Variants in SLC9A7 observed in about 807,000 individuals in gnomAD.
SLC9A7 encodes solute carrier family 9 member A7, also known as sodium/hydrogen exchanger 7.
SLC9A7 carries 19 observed loss-of-function variants against 52.6 expected under a neutral mutation model. That is an observed-to-expected ratio of 0.36 (90% CI 0.25 to 0.53). SLC9A7 has a LOEUF of 0.53. Among genes scored for constraint, SLC9A7 ranks in the 20% least tolerant of loss-of-function variants. SLC9A7 has a pLI of 0.91. For missense variants in SLC9A7, 455 were observed against 597.9 expected (o/e 0.76, Z 2.49); for synonymous variants, 226 against 252.1 (o/e 0.90, Z 0.98).
rs1221636485 is a variant in SLC9A7 at position 46,725,969 on chromosome X, T to C, written c.325+32736A>G. Among the ~76,000 whole-genome samples the C allele has an allele frequency of 2.7e-5, 3 of 112,311 alleles. No individual in the cohort carries two copies. The Admixed American group carries it at 2.8e-4, about 11-fold the overall frequency. ...GACTGCCCGGATTCAAAGCTCAGCT[T>C]CATCATTTACTAAGCTACATGACCT... is the stretch of plus-strand genomic sequence containing the variant. On this transcript the variant is annotated intron_variant, in intron 1 of 16. Coordinates refer to ENST00000616978, the MANE Select transcript of SLC9A7 (RefSeq NM_001257291.2).
intron 1 of SLC9A7, among the ~76,000 whole-genome samples, chrX:46,757,158 G>A (rs1922729702): frequency 9.0e-6 from 1 of 111,618 alleles, no homozygotes; most frequent in Non-Finnish European, 1.9e-5. Flanking sequence ...TCAATCACCT[G>A]CAATGACCAC....
rs1433501246 is a variant in SLC9A7, at chrX:46,606,435, C to T, written c.*517G>A. ...TATGAGGTTGCAGTCAAGCAGACTT[C>T]GTTGCCAGAGCCTCCAAATTGCTTT... is the stretch of plus-strand genomic sequence containing the variant. On this transcript the variant is annotated 3_prime_UTR_variant, in exon 17 of 17. Coordinates refer to ENST00000616978, the MANE Select transcript of SLC9A7 (RefSeq NM_001257291.2). 5.3e-6 allele frequency: 4 copies of T among 755,772 alleles called. No individual in the cohort carries two copies. Among genetic ancestry groups the T allele is most frequent in the African/African-American group, 4.6e-5 (2 of 43,304 alleles). 62.3% of individuals were successfully genotyped at this position (755,772 alleles called of 1,213,427 possible).
At chrX:46,645,612 C>T (rs958805835) in intron 11 of SLC9A7, among the ~76,000 whole-genome samples, 1 of 97,439 alleles carries the variant, frequency 1.0e-5, no homozygotes, top group Non-Finnish European at 2.0e-5. Context: ...CTTCTTTCCC[C>T]ACTCCCTTTT....
At chrX:46,649,070 A>ATATC (rs60152703) in intron 10 of SLC9A7, among the ~76,000 whole-genome samples, 28,231 of 105,258 alleles carry the variant, frequency 0.27, 3,391 homozygotes, top group African/African-American at 0.43. Flanking sequence ...AATTCAACTG[A>ATATC]TATCTATCTA....
chrX:46,752,992 G>A (rs1922346770), intron 1 of SLC9A7, among the ~76,000 whole-genome samples: 1 of 112,016 alleles, frequency 8.9e-6, no homozygotes, highest in Admixed American at 9.5e-5. Context: ...TTTAGTAAAT[G>A]TCATTTTTCT....
At chrX:46,648,935 T>C (rs186709584) in intron 10 of SLC9A7, 138 bp from the exon 11 acceptor site, 1 of 444,316 alleles carries the variant, frequency 2.3e-6, no homozygotes, top group African/African-American at 2.5e-5. Flanking sequence ...AGCTTGACTG[T>C]CTAGTTCCCC....
intron 1 of SLC9A7, among the ~76,000 whole-genome samples, chrX:46,726,860 G>A (rs1488063045): frequency 9.0e-6 from 1 of 110,946 alleles, no homozygotes; most frequent in Admixed American, 9.6e-5. Context: ...TGCGGATTTT[G>A]CTGATGAAAA....
At chrX:46,664,517 T>G (rs1406800054) in intron 5 of SLC9A7, among the ~76,000 whole-genome samples, 1 of 111,413 alleles carries the variant, frequency 9.0e-6, no homozygotes, top group Non-Finnish European at 1.9e-5. Context: ...GTTTAGTGAG[T>G]TATTATAAGC....
intron 1 of SLC9A7, among the ~76,000 whole-genome samples, chrX:46,689,000 T>C (rs936576795): frequency 7.2e-5 from 8 of 111,722 alleles, no homozygotes; most frequent in African/African-American, 2.3e-4. Context: ...TTTTGCTTTA[T>C]TGTTATACAA....
chrX:46,706,533 C>G lies in SLC9A7; in HGVS notation c.326-23998G>C, dbSNP rs1602252977. On this transcript the variant is annotated intron_variant, in intron 1 of 16. Transcript: ENST00000616978. ...GCAGTTCTAGCAACTGTAGGTTGAG[C>G]ACAGAGTTCTCCCATGGTGTTCCAC... 3.6e-5 allele frequency among the ~76,000 whole-genome samples: 4 copies of G among 110,759 alleles called. 1 individual carries two copies. The Admixed American group carries it at 3.8e-4, about 11-fold the overall frequency.
intron 1 of SLC9A7, among the ~76,000 whole-genome samples, chrX:46,715,565 A>C (rs1944756565): frequency 9.0e-6 from 1 of 111,547 alleles, no homozygotes; most frequent in Non-Finnish European, 1.9e-5. Context: ...ATGTGCCCTC[A>C]TTCTCGGTTA....
At chrX:46,670,281 A>G (rs2146838712) in intron 4 of SLC9A7, among the ~76,000 whole-genome samples, 1 of 112,224 alleles carries the variant, frequency 8.9e-6, no homozygotes, top group South Asian at 3.7e-4. Context: ...ATACCCATCA[A>G]GATATCTGGG....
At chrX:46,753,174 G>A (rs1429285280) in intron 1 of SLC9A7, among the ~76,000 whole-genome samples, 2 of 111,752 alleles carry the variant, frequency 1.8e-5, no homozygotes, top group African/African-American at 6.5e-5. Context: ...TGCTACATAA[G>A]TTATTTGCTT....
intron 1 of SLC9A7, among the ~76,000 whole-genome samples, chrX:46,686,893 A>T (rs1398079042): frequency 1.8e-5 from 2 of 112,452 alleles, no homozygotes. Context: ...TTAAAACAAG[A>T]TGGTAAACTC....
chrX:46,713,300 G>C (rs1429559285), intron 1 of SLC9A7, among the ~76,000 whole-genome samples: 1 of 109,680 alleles, frequency 9.1e-6, no homozygotes, highest in African/African-American at 3.3e-5. Context: ...AGGAGTTCAA[G>C]ACCAGCCTGG....
intron 1 of SLC9A7, among the ~76,000 whole-genome samples, chrX:46,745,997 T>C (rs1602302043): frequency 9.3e-6 from 1 of 107,802 alleles, no homozygotes. Context: ...GTAACTTAAA[T>C]GAAAAATGTA....
intron 11 of SLC9A7, chrX:46,646,944 G>T (rs913318223): frequency 9.5e-6 from 3 of 317,207 alleles, no homozygotes; most frequent in African/African-American, 5.3e-5. Context: ...TACTGATGCT[G>T]CTGTAGAAGG....
At chrX:46,745,030 A>G (rs999127947) in intron 1 of SLC9A7, among the ~76,000 whole-genome samples, 1 of 110,290 alleles carries the variant, frequency 9.1e-6, no homozygotes, top group Non-Finnish European at 1.9e-5. Context: ...TTGAAAAACA[A>G]GCAGAAGCTG....
intron 3 of SLC9A7, among the ~76,000 whole-genome samples, chrX:46,673,762 C>T (rs1010667342): frequency 9.0e-6 from 1 of 111,454 alleles, no homozygotes; most frequent in Non-Finnish European, 1.9e-5. Flanking sequence ...TGGTCTGCAT[C>T]CCAGACACAG....
Sources: allele counts gnomAD v4.1 joint callset (sites outside exome capture counted in the v4.1 genomes callset), GRCh38; gene constraint gnomAD v4.1.1; transcripts MANE v1.5; gene names NCBI Gene and HGNC (gene_info 2026-07-23, HGNC 2026-07-21).